Variants in SIPA1L3 observed in about 807,000 individuals in gnomAD.
SIPA1L3 encodes signal-induced proliferation-associated 1-like protein 3.
SIPA1L3 carries 59 observed loss-of-function variants against 150.1 expected under a neutral mutation model. The ratio of observed to expected loss-of-function variants is 0.39; its 90% CI spans 0.32 to 0.49. The LOEUF (loss-of-function observed/expected upper bound fraction) is 0.49. Ranked by LOEUF, SIPA1L3 falls within the 20% of genes least tolerant of loss-of-function variation. The pLI is 0.86. For synonymous variants in SIPA1L3, 1,070 were observed against 1,077.6 expected (o/e 0.99, Z 0.14); for missense variants, 2,211 against 2,489.5 (o/e 0.89, Z 2.38).
At chr19:38,083,134 G>C in intron 3 of SIPA1L3, 35 bp downstream of exon 3, 1 of 1,571,572 alleles carries the variant, frequency 6.4e-7, no homozygotes, top group Non-Finnish European at 8.6e-7. Context: ...AGGTTGGGTG[G>C]GCCGAGGCTT....
intron 15 of SIPA1L3, among the ~76,000 whole-genome samples, chr19:38,181,926 C>A (rs1288036705): frequency 1.3e-5 from 2 of 150,650 alleles, no homozygotes; most frequent in African/African-American, 4.9e-5. Flanking sequence ...CCAAGGCAGG[C>A]GGATTGCTTG....
chr19:38,164,912 C>G lies in SIPA1L3; in HGVS notation c.4208+6C>G. The G allele has an allele frequency of 6.6e-7, 1 of 1,525,256 alleles. No homozygotes were observed. The highest frequency in any genetic ancestry group is 8.8e-7 in the Non-Finnish European group (1 of 1,136,630). 94.5% of individuals were successfully genotyped at this position (1,525,256 alleles called of 1,614,324 possible). ...GACCCACCGAGGCAGCCCAGGTAAG[C>G]TGTTGCACCTAGTCTGGGTTCTAAC... On this transcript the variant is annotated splice_donor_region_variant and intron_variant, in intron 15 of 21. Transcript: ENST00000222345. This position sits in a 1 kb window ranked among gnomAD's most constrained non-coding sequence, Gnocchi z 4.1.
intron 6 of SIPA1L3, chr19:38,106,308 T>G: frequency 2.5e-6 from 1 of 401,668 alleles, no homozygotes; most frequent in Non-Finnish European, 4.6e-6. Context: ...GGTTTCACCA[T>G]GTTGGCCAGG....
chr19:37,989,773 C>T (rs1004079223), intron 1 of SIPA1L3, among the ~76,000 whole-genome samples: 1 of 149,960 alleles, frequency 6.7e-6, no homozygotes, highest in Non-Finnish European at 1.5e-5. Context: ...TCAAGCGATT[C>T]TCCTGCCTCA....
intron 10 of SIPA1L3, among the ~76,000 whole-genome samples, chr19:38,134,872 C>A (rs1431844364): frequency 6.6e-6 from 1 of 152,018 alleles, no homozygotes; most frequent in East Asian, 1.9e-4. Context: ...GGGCAAAGGC[C>A]CTTAGCTTGG....
chr19:37,980,667 T>A (rs1442543621), intron 1 of SIPA1L3, among the ~76,000 whole-genome samples: 3 of 136,856 alleles, frequency 2.2e-5, no homozygotes, highest in African/African-American at 8.9e-5. Context: ...TGATGGTCAA[T>A]GGAGGAACCG....
chr19:38,095,819 T>G (rs1202929404), intron 4 of SIPA1L3, among the ~76,000 whole-genome samples: 1 of 152,204 alleles, frequency 6.6e-6, no homozygotes, highest in Non-Finnish European at 1.5e-5. Flanking sequence ...AGCCAAAATG[T>G]GACTGTAAGT....
Position 38,082,137 on chromosome 19 carries a change from G to GT in SIPA1L3, c.572_573insT (p.His192AlafsTer227). On this transcript the variant is annotated frameshift_variant, in exon 3 of 22. Coordinates refer to ENST00000222345, the MANE Select transcript of SIPA1L3 (RefSeq NM_015073.3). LOFTEE classifies it high-confidence loss of function. ...GACGCGGGGGAGCCGCGGGGGGCCC[G>GT]GCACACGGGGGCGCTGCCCCTCTTC... The GT allele has an allele frequency of 1.2e-6, 2 of 1,605,802 alleles. No homozygotes were observed. The highest frequency in any genetic ancestry group is 2.2e-5 in the South Asian group (2 of 91,010).
chr19:37,963,297 T>C (rs2046875782), intron 1 of SIPA1L3, among the ~76,000 whole-genome samples: 1 of 152,218 alleles, frequency 6.6e-6, no homozygotes, highest in Admixed American at 6.5e-5. Context: ...CTCTGGAGCT[T>C]GTGTGCAACC....
At chr19:38,089,328 C>CAAAAAA (rs55806031) in intron 4 of SIPA1L3, among the ~76,000 whole-genome samples, 1 of 64,270 alleles carries the variant, frequency 1.6e-5, no homozygotes, top group East Asian at 4.4e-4. Flanking sequence ...GACTGTGTCT[C>CAAAAAA]AAAAAAAAAA....
chr19:38,103,011 C>G (rs191897622), intron 6 of SIPA1L3, among the ~76,000 whole-genome samples: 2 of 152,060 alleles, frequency 1.3e-5, no homozygotes, highest in East Asian at 3.9e-4. Context: ...CCTATAATCC[C>G]AGCTACTTGG....
At chr19:38,122,399 G>A (rs980836055) in intron 9 of SIPA1L3, among the ~76,000 whole-genome samples, 4 of 152,122 alleles carry the variant, frequency 2.6e-5, no homozygotes, top group Non-Finnish European at 5.9e-5. Flanking sequence ...TCTCTCTCAT[G>A]CCCACATTCG....
intron 1 of SIPA1L3, among the ~76,000 whole-genome samples, chr19:37,922,876 C>T (rs2046468798): frequency 6.6e-6 from 1 of 150,922 alleles, no homozygotes; most frequent in African/African-American, 2.4e-5. Context: ...TGCCTGTAAT[C>T]CCAGCACTTT....
chr19:38,024,943 C>T (rs943499518), intron 1 of SIPA1L3, among the ~76,000 whole-genome samples: 2 of 152,132 alleles, frequency 1.3e-5, no homozygotes, highest in Non-Finnish European at 2.9e-5. Flanking sequence ...GGAGTCAGTA[C>T]TCAGGTATTC....
In SIPA1L3 at chr19:38,206,234, G is replaced by A. The variant is rs1347280893; in HGVS notation, c.5340G>A (p.Glu1780=). Residue 1780 remains glutamate, a synonymous_variant, in exon 22 of 22, where the codon GAG becomes GAA. Transcript: ENST00000222345. ...FAEIFCREKK[E]L ...AGATCTTCTGCAGGGAGAAGAAGGA[G>A]CTCTGAGGTGGGAGGCCGCCGCCCG... 4 of 1,553,198 alleles carry A rather than the reference G, an allele frequency of 2.6e-6. No homozygotes were observed. Among genetic ancestry groups the A allele is most frequent in the African/African-American group, 2.7e-5 (2 of 73,352 alleles).
chr19:37,914,940 T>C (rs544909256), intron 1 of SIPA1L3, among the ~76,000 whole-genome samples: 2 of 152,300 alleles, frequency 1.3e-5, no homozygotes, highest in South Asian at 2.1e-4. Flanking sequence ...TTGATCAAAC[T>C]CATTTTACAG....
At chr19:37,916,493 T>TAAAAA (rs911159767) in intron 1 of SIPA1L3, among the ~76,000 whole-genome samples, 2 of 90,792 alleles carry the variant, frequency 2.2e-5, no homozygotes, top group African/African-American at 4.3e-5. Flanking sequence ...ACTCTGTGTC[T>TAAAAA]AAAAAAAAAA....
chr19:38,117,817 T>C (rs1970922274), intron 8 of SIPA1L3, among the ~76,000 whole-genome samples: 1 of 152,022 alleles, frequency 6.6e-6, no homozygotes, highest in Non-Finnish European at 1.5e-5. Flanking sequence ...ACAGGGTCTC[T>C]CTCTGTTGCC....
At chr19:38,113,218 G>GA (rs35895258) in intron 8 of SIPA1L3, among the ~76,000 whole-genome samples, 37,057 of 134,930 alleles carry the variant, frequency 0.27, 6,612 homozygotes, top group African/African-American at 0.54. Flanking sequence ...CTCAATTAAA[G>GA]AAAAAAAAAA....
Sources: allele counts gnomAD v4.1 joint callset (sites outside exome capture counted in the v4.1 genomes callset), GRCh38; gene constraint gnomAD v4.1.1; non-coding constraint Gnocchi (gnomAD v3.1); transcripts MANE v1.5; gene names NCBI Gene and HGNC (gene_info 2026-07-23, HGNC 2026-07-21).